CCDC91: variants seen among roughly 807,000 people sequenced by gnomAD.
CCDC91 encodes the protein coiled-coil domain containing 91, also known as coiled-coil domain-containing protein 91.
CCDC91 carries 48 observed loss-of-function variants against 63.2 expected under a neutral mutation model. That is an observed-to-expected ratio of 0.76 (90% CI 0.60 to 0.97). The LOEUF (loss-of-function observed/expected upper bound fraction) is 0.97, where lower values mean the gene tolerates loss of function less well. Among genes scored for constraint, CCDC91 ranks in the 50% least tolerant of loss-of-function variants. The probability of loss-of-function intolerance (pLI) is 0.00; values close to 1 mark genes in which losing one functional copy is unlikely to be tolerated. For synonymous variants in CCDC91, 167 were observed against 165.8 expected (o/e 1.01, Z -0.06); for missense variants, 500 against 494.6 (o/e 1.01, Z -0.10).
intron 11 of CCDC91, among the ~76,000 whole-genome samples, chr12:28,482,618 C>T (rs1209660790): frequency 1.3e-5 from 2 of 151,688 alleles, no homozygotes; most frequent in African/African-American, 2.4e-5. Flanking sequence ...TGTCATTCTC[C>T]CCAAGTAAGC....
At chr12:28,254,810 T>A (rs1262296225) in intron 1 of CCDC91, among the ~76,000 whole-genome samples, 1 of 150,982 alleles carries the variant, frequency 6.6e-6, no homozygotes, top group Admixed American at 6.6e-5. Context: ...TCACTCTTGT[T>A]GCCTGGGCTG....
At chr12:28,282,555 G>A (rs1948674543) in intron 3 of CCDC91, among the ~76,000 whole-genome samples, 1 of 152,064 alleles carries the variant, frequency 6.6e-6, no homozygotes, top group Non-Finnish European at 1.5e-5. Flanking sequence ...TTTGTGAATT[G>A]TGCTGTGATA....
intron 7 of CCDC91, among the ~76,000 whole-genome samples, chr12:28,379,942 T>A (rs1945186981): frequency 6.6e-6 from 1 of 152,116 alleles, no homozygotes; most frequent in African/African-American, 2.4e-5. Flanking sequence ...AACCCAGTGA[T>A]AGACTGGATT....
chr12:28,541,858 T>G (rs1011389564), intron 12 of CCDC91, among the ~76,000 whole-genome samples: 11 of 152,108 alleles, frequency 7.2e-5, no homozygotes, highest in African/African-American at 2.7e-4. Context: ...TTATTTACCA[T>G]TGAACTCTAT....
intron 11 of CCDC91, among the ~76,000 whole-genome samples, chr12:28,467,086 C>CA (rs1397202669): frequency 1.3e-5 from 2 of 151,990 alleles, no homozygotes; most frequent in Non-Finnish European, 2.9e-5. Context: ...AACAACCACA[C>CA]ACAAAGAAAG....
chr12:28,380,704 G>T (rs1945246388), intron 7 of CCDC91, among the ~76,000 whole-genome samples: 1 of 152,028 alleles, frequency 6.6e-6, no homozygotes, highest in Non-Finnish European at 1.5e-5. Flanking sequence ...CAGTAATAAT[G>T]CTGGAGGACT....
chr12:28,310,430 T>G (rs574043157), intron 6 of CCDC91, among the ~76,000 whole-genome samples: 51 of 152,186 alleles, frequency 3.4e-4, no homozygotes, highest in African/African-American at 1.2e-3. Flanking sequence ...GAGTGATGAC[T>G]TGAGTCTTCA....
At chr12:28,546,646 G>A (rs1255555961) in intron 12 of CCDC91, among the ~76,000 whole-genome samples, 1 of 151,886 alleles carries the variant, frequency 6.6e-6, no homozygotes, top group Non-Finnish European at 1.5e-5. Flanking sequence ...CAAATATTAT[G>A]AACAATCTTA....
At chr12:28,303,678 A>T (rs949120940) in intron 3 of CCDC91, among the ~76,000 whole-genome samples, 5 of 152,152 alleles carry the variant, frequency 3.3e-5, no homozygotes, top group Non-Finnish European at 5.9e-5. Context: ...AAATATCAAC[A>T]CTTTACTAAA....
At chr12:28,368,050 T>C (rs920493672) in intron 7 of CCDC91, among the ~76,000 whole-genome samples, 4 of 152,222 alleles carry the variant, frequency 2.6e-5, no homozygotes, top group Non-Finnish European at 5.9e-5. Context: ...AGCCAATCCC[T>C]TAGAGGAAGT....
intron 1 of CCDC91, among the ~76,000 whole-genome samples, chr12:28,252,776 G>A (rs1946206976): frequency 6.6e-6 from 1 of 151,514 alleles, no homozygotes; most frequent in African/African-American, 2.4e-5. Flanking sequence ...TTAATTAGAT[G>A]CTTTCTTCAT....
chr12:28,266,131 ATATAAATAC>A (rs1947168200), intron 3 of CCDC91, among the ~76,000 whole-genome samples: 1 of 152,064 alleles, frequency 6.6e-6, no homozygotes, highest in Non-Finnish European at 1.5e-5. Flanking sequence ...ATTACTGTAC[ATATAAATAC>A]TAGTCTTGAT....
intron 12 of CCDC91, among the ~76,000 whole-genome samples, chr12:28,532,979 T>C (rs1415652022): frequency 6.6e-6 from 1 of 152,092 alleles, no homozygotes; most frequent in African/African-American, 2.4e-5. Flanking sequence ...GAAAACCGTC[T>C]CAAAACTTAC....
chr12:28,229,025 C>T (rs1212925916), intron 1 of CCDC91, among the ~76,000 whole-genome samples: 1 of 152,072 alleles, frequency 6.6e-6, no homozygotes, highest in Non-Finnish European at 1.5e-5. Context: ...TTTCTTCTTA[C>T]ATTCTGGTGG....
intron 8 of CCDC91, 79 bp downstream of exon 8, chr12:28,391,490 C>A: frequency 2.6e-6 from 2 of 766,612 alleles, no homozygotes; most frequent in Non-Finnish European, 4.2e-6. Flanking sequence ...ACTGTTTATT[C>A]AGTTCTGTTC....
intron 3 of CCDC91, among the ~76,000 whole-genome samples, chr12:28,272,849 T>A (rs573505252): frequency 1.4e-4 from 22 of 152,194 alleles, no homozygotes; most frequent in African/African-American, 3.6e-4. Context: ...TCTTTTTTTT[T>A]AAATTATACT....
At chr12:28,496,491 A>T (rs1330296751) in intron 12 of CCDC91, among the ~76,000 whole-genome samples, 1 of 151,592 alleles carries the variant, frequency 6.6e-6, no homozygotes, top group African/African-American at 2.4e-5. Context: ...GAAATTTTTT[A>T]AACATAGGGA....
At chr12:28,335,290 ATAAT>A (rs1262900844) in intron 6 of CCDC91, among the ~76,000 whole-genome samples, 1 of 137,456 alleles carries the variant, frequency 7.3e-6, no homozygotes, top group Non-Finnish European at 1.5e-5. Flanking sequence ...CATATTATAT[ATAAT>A]ATAATATATA....
intron 11 of CCDC91, among the ~76,000 whole-genome samples, chr12:28,483,721 G>T (rs1180067924): frequency 1.3e-5 from 2 of 152,222 alleles, no homozygotes; most frequent in African/African-American, 2.4e-5. Flanking sequence ...CAAGTTGGAA[G>T]TCTTATGTGG....
Sources: allele counts gnomAD v4.1 joint callset (sites outside exome capture counted in the v4.1 genomes callset), GRCh38; gene constraint gnomAD v4.1.1; transcripts MANE v1.5; gene names NCBI Gene and HGNC (gene_info 2026-07-23, HGNC 2026-07-21).